Variants in PHF11 observed in about 807,000 individuals in gnomAD.
PHF11 encodes BRCA1 C-terminus-associated protein.
PHF11 carries 38 observed loss-of-function variants against 40.5 expected under a neutral mutation model. That is an observed-to-expected ratio of 0.94 (90% CI 0.72 to 1.23). PHF11 has a LOEUF of 1.23. Ranked by LOEUF, PHF11 falls within the 50% of genes most tolerant of loss-of-function variation. The probability of loss-of-function intolerance (pLI) is 0.00; values close to 1 mark genes in which losing one functional copy is unlikely to be tolerated. For synonymous variants in PHF11, 127 were observed against 138.2 expected (o/e 0.92, Z 0.57); for missense variants, 369 against 392.4 (o/e 0.94, Z 0.50).
chr13:49,518,264 A>C, intron 4 of PHF11, 113 bp downstream of exon 4: 1 of 665,096 alleles, frequency 1.5e-6, no homozygotes, highest in Non-Finnish European at 2.4e-6. Flanking sequence ...TTCAAATGAG[A>C]ACAAAGCCAG....
In PHF11 at chr13:49,524,203, T is replaced by A. The variant is rs2139076646; in HGVS notation, c.756T>A (p.Thr252=). ...TTCCAGAAAAACTCATGGATGAGAC[T>A]ACTTCAGAATCAGGTACTGATGAAG... ...HSIPEKLMDE[T]TSESDYEEIG... is the part of the protein sequence containing the mutation. Residue 252 remains threonine (T), a synonymous_variant, in exon 8 of 10, where the codon ACT becomes ACA. Transcript: ENST00000378319. 1 of 1,608,620 alleles carries A rather than the reference T, an allele frequency of 6.2e-7. No individual in the cohort carries two copies.
chr13:49,514,251 G>C (rs542922791), intron 3 of PHF11, among the ~76,000 whole-genome samples: 1 of 152,278 alleles, frequency 6.6e-6, no homozygotes, highest in South Asian at 2.1e-4. Context: ...TCTTTGCAAG[G>C]CATCAGCATC....
intron 9 of PHF11, among the ~76,000 whole-genome samples, chr13:49,526,675 A>C (rs1284814744): frequency 2.7e-5 from 4 of 150,204 alleles, no homozygotes; most frequent in Non-Finnish European, 2.9e-5. Flanking sequence ...CAAAAGCTGC[A>C]CCTGGTGGAG....
At chr13:49,517,011 G>A (rs1002027689) in intron 3 of PHF11, among the ~76,000 whole-genome samples, 1 of 151,754 alleles carries the variant, frequency 6.6e-6, no homozygotes, top group African/African-American at 2.4e-5. Context: ...GTTTAACATT[G>A]TTATCTGGTT....
intron 2 of PHF11, among the ~76,000 whole-genome samples, chr13:49,512,727 C>G (rs1173795851): frequency 6.6e-6 from 1 of 152,210 alleles, no homozygotes; most frequent in African/African-American, 2.4e-5. Context: ...CTGACTTGCT[C>G]TAACCACGTG....
chr13:49,527,663 TAA>T (rs1959365622), intron 9 of PHF11, among the ~76,000 whole-genome samples: 2 of 152,228 alleles, frequency 1.3e-5, no homozygotes, highest in African/African-American at 2.4e-5. Flanking sequence ...AATTTTTTTC[TAA>T]AAAGAGTTAT....
intron 4 of PHF11, among the ~76,000 whole-genome samples, chr13:49,520,283 G>A (rs1216059563): frequency 1.3e-5 from 2 of 152,102 alleles, no homozygotes; most frequent in African/African-American, 4.8e-5. Context: ...TCTTGACCTC[G>A]TGATCTGCCC....
intron 1 of PHF11, among the ~76,000 whole-genome samples, chr13:49,497,889 A>G (rs988855423): frequency 1.3e-5 from 2 of 152,094 alleles, no homozygotes; most frequent in African/African-American, 2.4e-5. Flanking sequence ...TCATTGCCAC[A>G]TTATCCCATT....
rs542149289 is a variant in PHF11, at chr13:49,502,778, A to C, written c.95-3857A>C. On this transcript the variant is annotated intron_variant, in intron 1 of 9. Coordinates refer to ENST00000378319, the MANE Select transcript of PHF11 (RefSeq NM_001040443.3). ...ACTCTTGTTGCCCAGGCCACAGTGC[A>C]GTGGCACATTCTTGGCTCACTGCAA... Among the ~76,000 whole-genome samples the C allele has an allele frequency of 8.5e-5, 13 of 152,348 alleles. No homozygotes were observed. In the East Asian group the frequency reaches 1.2e-3, roughly 14 times the overall value.
intron 8 of PHF11, 74 bp downstream of exon 8, chr13:49,524,290 G>GAAA: frequency 3.7e-6 from 3 of 805,122 alleles, no homozygotes; most frequent in East Asian, 7.9e-5. Flanking sequence ...ACAAACCCAA[G>GAAA]AAAAAAAAAA....
chr13:49,514,091 A>G (rs763702041), intron 3 of PHF11, among the ~76,000 whole-genome samples: 5 of 152,226 alleles, frequency 3.3e-5, no homozygotes, highest in Non-Finnish European at 7.3e-5. Context: ...TCAAGGAGGA[A>G]GAAATGCTGA....
chr13:49,525,676 G>C, intron 8 of PHF11: 1 of 371,792 alleles, frequency 2.7e-6, no homozygotes, highest in South Asian at 2.0e-5. Flanking sequence ...ATTTGAATGG[G>C]ATTATTTTCT....
intron 1 of PHF11, among the ~76,000 whole-genome samples, chr13:49,505,471 C>A (rs116372645): frequency 2.5e-3 from 382 of 152,310 alleles, no homozygotes; most frequent in African/African-American, 8.6e-3. Flanking sequence ...AGCAGTTAAC[C>A]TCATCTAAAT....
chr13:49,525,108 T>TTAAAG (rs1239276348), intron 8 of PHF11, among the ~76,000 whole-genome samples: 1 of 152,190 alleles, frequency 6.6e-6, no homozygotes, highest in African/African-American at 2.4e-5. Context: ...AACTCAAACT[T>TTAAAG]TAAAGTATAG....
chr13:49,508,002 A>G (rs1959028999), intron 2 of PHF11, among the ~76,000 whole-genome samples: 1 of 151,754 alleles, frequency 6.6e-6, no homozygotes, highest in South Asian at 2.1e-4. Context: ...TGACCAAAAT[A>G]CCTTTTGGAA....
At chr13:49,505,109 AAATAAAAAAAT>A (rs1248457035) in intron 1 of PHF11, among the ~76,000 whole-genome samples, 3 of 150,312 alleles carry the variant, frequency 2.0e-5, no homozygotes, top group Admixed American at 6.6e-5. Context: ...AATAAAAAAT[AAATAAAAAAAT>A]AATAAAAAAA....
At chr13:49,519,608 GT>G (rs1332212277) in intron 4 of PHF11, among the ~76,000 whole-genome samples, 5 of 151,990 alleles carry the variant, frequency 3.3e-5, no homozygotes, top group Middle Eastern at 3.4e-3. Context: ...TTATCACCTG[GT>G]GGGAAGGCCA....
In PHF11 at chr13:49,517,956, C is replaced by G. The variant is rs567473824; in HGVS notation, c.325-62C>G. 5.9e-4 allele frequency: 548 copies of G among 935,922 alleles called. 11 individuals carry two copies. In the South Asian group the frequency reaches 8.8e-3, roughly 15 times the overall value. 58.0% of individuals were successfully genotyped at this position (935,922 alleles called of 1,614,324 possible). A position where few individuals can be genotyped will look rare whatever the true frequency, so the allele number is the denominator to read the frequency against. ...GAACTTAAATAACATTTAATGATAT[C>G]TTTGAATTTTAACAAATAACAACAA... On this transcript the variant is annotated intron_variant, in intron 3 of 9. Transcript: ENST00000378319.
chr13:49,523,516 C>T, intron 7 of PHF11: 1 of 448,688 alleles, frequency 2.2e-6, no homozygotes, highest in Non-Finnish European at 3.9e-6. Flanking sequence ...CAGAATCCAG[C>T]AATGTGTCAC....
Sources: gnomAD v4.1 joint callset for allele counts (sites outside exome capture counted in the v4.1 genomes callset) on GRCh38, gnomAD v4.1.1 for gene constraint, MANE v1.5 for transcripts, NCBI Gene and HGNC (gene_info 2026-07-23, HGNC 2026-07-21) for gene names.